The following PPP2R2B variants were observed in gnomAD, a reference collection of about 807,000 sequenced individuals.
The protein encoded by PPP2R2B is protein phosphatase 2 regulatory subunit Bbeta.
A neutral mutation model predicts 46.0 loss-of-function variants in PPP2R2B; 5 were observed. The ratio of observed to expected loss-of-function variants is 0.11; its 90% confidence interval spans 0.06 to 0.23. PPP2R2B has a LOEUF of 0.23. Among genes scored for constraint, PPP2R2B ranks in the 10% least tolerant of loss-of-function variants. PPP2R2B has a pLI of 1.00. For synonymous variants in PPP2R2B, 215 were observed against 206.7 expected, an observed-to-expected ratio of 1.04 and a Z score of -0.34; for missense variants, 367 against 575.0, an observed-to-expected ratio of 0.64 and a Z score of 3.70.
intron 2 of PPP2R2B, among the ~76,000 whole-genome samples, chr5:146,861,543 A>G (rs1761003006): frequency 6.6e-6 from 1 of 152,232 alleles, no homozygotes; most frequent in South Asian, 2.1e-4. Context: ...AATATTCGCT[A>G]CATTAATTCC....
At position 146,772,383 on chromosome 5, in the gene PPP2R2B, CATATAT is replaced by C. The variant is rs33981708; in HGVS notation, c.71-71247_71-71242del. 7.5e-3 allele frequency among the ~76,000 whole-genome samples: 995 copies of C among 132,830 alleles called. 2 individuals are homozygous for C. Among genetic ancestry groups the C allele is most frequent in the Middle Eastern group, 0.012 (3 of 258 alleles). The allele number at this position is 132,830 out of a possible 152,430, so 87.1% of individuals were successfully genotyped here. ...ATTATATATTAGTTAATAACTTGTG[CATATAT>C]ATATATATATATATATATATATATA... is the stretch of plus-strand genomic sequence containing the variant. On this transcript the variant is annotated intron_variant, in intron 2 of 9. Transcript: ENST00000394411.
chr5:146,593,081 GAGA>G lies in PPP2R2B; in HGVS notation c.961-22_961-20del. 1 of 1,560,788 alleles carries G rather than the reference GAGA, an allele frequency of 6.4e-7. No homozygotes were observed. The highest frequency in any genetic ancestry group is 1.7e-4 in the Middle Eastern group (1 of 5,968). On this transcript the variant is annotated intron_variant, in intron 8 of 9. Transcript: ENST00000394411. Reference sequence around the variant, plus strand: ...CATGAACCTGGAGAGGAAACATATCGAGAAGGTCAGTTATTATTTTAAACAGTA... The same window carrying G: ...CATGAACCTGGAGAGGAAACATATCGAGGTCAGTTATTATTTTAAACAGTA...
At chr5:146,714,104 G>GA (rs942470657) in intron 2 of PPP2R2B, among the ~76,000 whole-genome samples, 2 of 151,778 alleles carry the variant, frequency 1.3e-5, no homozygotes, top group African/African-American at 4.8e-5. Context: ...AAAATCCAGG[G>GA]AAAAAAACAA....
intron 1 of PPP2R2B, among the ~76,000 whole-genome samples, chr5:147,007,996 A>C (rs1754527188): frequency 6.6e-6 from 1 of 152,242 alleles, no homozygotes; most frequent in South Asian, 2.1e-4. Flanking sequence ...GAAATGCTGA[A>C]TCTTAAACTA....
chr5:146,810,852 T>G (rs1757493285), intron 2 of PPP2R2B, among the ~76,000 whole-genome samples: 1 of 151,888 alleles, frequency 6.6e-6, no homozygotes, highest in Non-Finnish European at 1.5e-5. Flanking sequence ...TAGGTATATC[T>G]CCTAATGCTA....
Position 146,698,150 on chromosome 5 carries a change from G to A in PPP2R2B, c.169-6C>T, listed in dbSNP as rs1475539845. On this transcript the variant is annotated splice_polypyrimidine_tract_variant and splice_region_variant and intron_variant, in intron 3 of 9. Transcript: ENST00000394411. ...CGATGAACCTGATTTTTACTCTGTA[G>A]GAAAGGAAAAAAATACACAACAGAT... The A allele has an allele frequency of 1.9e-6, 3 of 1,569,870 alleles. No individual in the cohort carries two copies. The highest frequency in any genetic ancestry group is 1.7e-4 in the Middle Eastern group (1 of 5,840).
At chr5:146,654,974 T>C (rs898659989) in intron 5 of PPP2R2B, among the ~76,000 whole-genome samples, 2 of 152,180 alleles carry the variant, frequency 1.3e-5, no homozygotes, top group Admixed American at 6.5e-5. Flanking sequence ...GGCAGAGTAA[T>C]TGATGGGGCT....
intron 5 of PPP2R2B, among the ~76,000 whole-genome samples, chr5:146,676,822 A>C (rs1416443280): frequency 6.6e-6 from 1 of 152,188 alleles, no homozygotes; most frequent in African/African-American, 2.4e-5. Flanking sequence ...TTGTGGAATT[A>C]GTTTTTAAAA....
At chr5:146,794,989 T>G (rs1248447485) in intron 2 of PPP2R2B, among the ~76,000 whole-genome samples, 1 of 152,104 alleles carries the variant, frequency 6.6e-6, no homozygotes. Flanking sequence ...AATGAAAATA[T>G]GGGGGCAAAG....
chr5:146,760,578 A>G (rs59437403), intron 2 of PPP2R2B, among the ~76,000 whole-genome samples: 2,595 of 152,322 alleles, frequency 0.017, 59 homozygotes, highest in African/African-American at 0.06. Context: ...TAAAGCAAAT[A>G]TGCTCTAGAT....
intron 2 of PPP2R2B, among the ~76,000 whole-genome samples, chr5:146,745,570 G>T (rs1334090958): frequency 6.6e-6 from 1 of 152,178 alleles, no homozygotes; most frequent in East Asian, 1.9e-4. Context: ...AGATTGGTAA[G>T]TCACTGAATC....
intron 2 of PPP2R2B, among the ~76,000 whole-genome samples, chr5:146,841,772 G>C (rs1269652266): frequency 6.6e-6 from 1 of 152,118 alleles, no homozygotes; most frequent in East Asian, 1.9e-4. Context: ...ATACACACCA[G>C]GGCCTGTTGG....
chr5:146,710,071 T>G (rs1025874145), intron 2 of PPP2R2B, among the ~76,000 whole-genome samples: 1 of 152,202 alleles, frequency 6.6e-6, no homozygotes, highest in African/African-American at 2.4e-5. Context: ...AGTATTAAGA[T>G]GATTTGTGTT....
chr5:146,880,484 T>A (rs939326879), upstream of PPP2R2B, among the ~76,000 whole-genome samples: 8 of 152,192 alleles, frequency 5.3e-5, no homozygotes, highest in African/African-American at 1.9e-4. Flanking sequence ...ATTGGCACAA[T>A]TTGGAGTAGG....
At chr5:146,767,716 C>T (rs751025623) in intron 2 of PPP2R2B, among the ~76,000 whole-genome samples, 2 of 152,132 alleles carry the variant, frequency 1.3e-5, no homozygotes, top group African/African-American at 4.8e-5. Flanking sequence ...TTGTTGCAAT[C>T]GATGAACCTC....
intron 6 of PPP2R2B, among the ~76,000 whole-genome samples, chr5:146,647,887 T>G (rs1419600430): frequency 6.6e-6 from 1 of 152,190 alleles, no homozygotes. Context: ...CCAGACAGCA[T>G]GTGGAGTCTG....
chr5:147,068,533 A>AT (rs1257904346), intron 2 of PPP2R2B, among the ~76,000 whole-genome samples: 4 of 152,122 alleles, frequency 2.6e-5, no homozygotes, highest in African/African-American at 7.2e-5. Flanking sequence ...TTTGTTATTT[A>AT]TTTTTTCTGT....
At chr5:146,625,073 A>G (rs1773956337) in intron 7 of PPP2R2B, among the ~76,000 whole-genome samples, 1 of 152,256 alleles carries the variant, frequency 6.6e-6, no homozygotes, top group South Asian at 2.1e-4. Flanking sequence ...AAGCAACAAT[A>G]AACATTCGTT....
At chr5:146,608,144 G>A (rs1235098974) in intron 7 of PPP2R2B, among the ~76,000 whole-genome samples, 1 of 152,134 alleles carries the variant, frequency 6.6e-6, no homozygotes, top group East Asian at 1.9e-4. Context: ...GGGTAGGAGG[G>A]GGCATCCTAT....
Sources: gnomAD v4.1 joint callset for allele counts (sites outside exome capture counted in the v4.1 genomes callset) on GRCh38, gnomAD v4.1.1 for gene constraint, MANE v1.5 for transcripts, NCBI Gene and HGNC (gene_info 2026-07-23, HGNC 2026-07-21) for gene names.